Variants in ASTN2 observed in about 807,000 individuals in gnomAD.
ASTN2 encodes the protein astrotactin-2.
ASTN2 carries 54 observed loss-of-function variants against 139.8 expected under a neutral mutation model. The ratio of observed to expected loss-of-function variants is 0.39; its 90% confidence interval spans 0.31 to 0.48. ASTN2 has a LOEUF of 0.48. ASTN2 is among the 20% of genes least tolerant of loss of function. The pLI is 0.95. For synonymous variants in ASTN2, 756 were observed against 719.5 expected (o/e 1.05, Z -0.81); for missense variants, 1,565 against 1,725.1 (o/e 0.91, Z 1.64).
chr9:116,925,347 C>A (rs913482353), intron 10 of ASTN2, among the ~76,000 whole-genome samples: 3 of 152,064 alleles, frequency 2.0e-5, no homozygotes, highest in Non-Finnish European at 4.4e-5. Context: ...GAGGAGTCTC[C>A]CAGTTAGAGA....
At chr9:116,656,825 A>G (rs1283851035) in intron 16 of ASTN2, among the ~76,000 whole-genome samples, 1 of 152,140 alleles carries the variant, frequency 6.6e-6, no homozygotes, top group Non-Finnish European at 1.5e-5. Flanking sequence ...GGCTTCTGGG[A>G]GAGCCAAAGC....
intron 3 of ASTN2, among the ~76,000 whole-genome samples, chr9:117,173,113 A>G (rs1830832045): frequency 6.6e-6 from 1 of 152,178 alleles, no homozygotes; most frequent in Admixed American, 6.5e-5. Flanking sequence ...CATAAAGGCA[A>G]ACAGCATGTA....
chr9:116,564,918 T>C (rs1314682682), intron 19 of ASTN2, among the ~76,000 whole-genome samples: 1 of 152,158 alleles, frequency 6.6e-6, no homozygotes, highest in Non-Finnish European at 1.5e-5. Flanking sequence ...TGATGAGAGT[T>C]ATCTCATCTT....
intron 10 of ASTN2, among the ~76,000 whole-genome samples, chr9:116,908,444 C>T (rs1001056612): frequency 1.3e-5 from 2 of 152,158 alleles, no homozygotes; most frequent in Non-Finnish European, 2.9e-5. Flanking sequence ...ACAATTGACT[C>T]AATAAATGGA....
At chr9:116,781,185 G>A (rs565525234) in intron 13 of ASTN2, among the ~76,000 whole-genome samples, 2 of 152,224 alleles carry the variant, frequency 1.3e-5, no homozygotes, top group South Asian at 2.1e-4. Flanking sequence ...GTTCTATTTT[G>A]CAGAAAGGAG....
At chr9:117,305,001 C>A (rs1834964391) in intron 1 of ASTN2, among the ~76,000 whole-genome samples, 1 of 152,214 alleles carries the variant, frequency 6.6e-6, no homozygotes, top group Admixed American at 6.5e-5. Context: ...TGAATTATGA[C>A]AGATCAAGCC....
At chr9:116,731,332 G>A (rs773921969) in intron 14 of ASTN2, among the ~76,000 whole-genome samples, 1 of 151,948 alleles carries the variant, frequency 6.6e-6, no homozygotes, top group Non-Finnish European at 1.5e-5. Context: ...CCCATAGTGT[G>A]CCAAGCATTT....
chr9:116,701,285 A>AATG (rs1588222137), intron 16 of ASTN2: 1 of 167,126 alleles, frequency 6.0e-6, no homozygotes, highest in East Asian at 1.9e-4. Flanking sequence ...AGGTCATTAA[A>AATG]ATGATGTTGA....
intron 2 of ASTN2, 61 bp downstream of exon 2, chr9:117,291,265 C>T: frequency 6.3e-7 from 1 of 1,576,794 alleles, no homozygotes; most frequent in South Asian, 1.2e-5. Context: ...CCCCCTCCAT[C>T]TCTCCACCCA....
chr9:116,838,279 C>T (rs10983372), intron 11 of ASTN2, among the ~76,000 whole-genome samples: 127,691 of 151,540 alleles, frequency 0.84, 54,009 homozygotes, highest in East Asian at 0.95. Flanking sequence ...CTGGCTAATT[C>T]TGTATTTTTA....
intron 10 of ASTN2, among the ~76,000 whole-genome samples, chr9:116,920,545 G>T (rs7045383): frequency 0.019 from 2,925 of 152,256 alleles, 79 homozygotes; most frequent in African/African-American, 0.062. Flanking sequence ...TGCCTTAATA[G>T]TACAAAGAAA....
chr9:116,471,043 A>T (rs1463853332), intron 20 of ASTN2, among the ~76,000 whole-genome samples: 1 of 152,136 alleles, frequency 6.6e-6, no homozygotes, highest in Non-Finnish European at 1.5e-5. Context: ...TTTTAAAATG[A>T]TTTTTTAAAT....
intron 5 of ASTN2, among the ~76,000 whole-genome samples, chr9:117,061,154 T>TATTTATTA (rs1839279828): frequency 7.3e-6 from 1 of 137,588 alleles, no homozygotes; most frequent in Admixed American, 6.9e-5. Context: ...TTTATTTATT[T>TATTTATTA]ATTTATTTAT....
chr9:116,443,615 A>G (rs1220696632), intron 20 of ASTN2, among the ~76,000 whole-genome samples: 1 of 152,144 alleles, frequency 6.6e-6, no homozygotes, highest in Non-Finnish European at 1.5e-5. Context: ...TGACCCTTGT[A>G]TTCCCAGATC....
intron 3 of ASTN2, chr9:117,181,278 G>A (rs186508550): frequency 3.2e-4 from 147 of 459,162 alleles, no homozygotes; most frequent in Non-Finnish European, 5.5e-4. Flanking sequence ...CAGAGATGGG[G>A]AAACTGAAGC....
chr9:117,318,885 C>T (rs1828231125), intron 1 of ASTN2, among the ~76,000 whole-genome samples: 1 of 152,142 alleles, frequency 6.6e-6, no homozygotes. Context: ...TAAAGTACTC[C>T]TAAAGGACCA....
intron 6 of ASTN2, among the ~76,000 whole-genome samples, chr9:117,016,600 ATATCTATATCTATATCTATCTATC>A (rs1223176689): frequency 0.092 from 588 of 6,404 alleles, 34 homozygotes; most frequent in Middle Eastern, 0.17. Flanking sequence ...TTTTATATAT[ATATCTATATCTATATCTATCTATC>A]TATATATATA....
At chr9:117,410,231 G>A (rs1319458217) in intron 1 of ASTN2, among the ~76,000 whole-genome samples, 3 of 152,168 alleles carry the variant, frequency 2.0e-5, no homozygotes, top group Non-Finnish European at 4.4e-5. Flanking sequence ...CAGCAAGAAG[G>A]ATGACATTTC....
intron 16 of ASTN2, among the ~76,000 whole-genome samples, chr9:116,682,216 G>T (rs1351888361): frequency 6.6e-6 from 1 of 152,108 alleles, no homozygotes; most frequent in Non-Finnish European, 1.5e-5. Flanking sequence ...GTGGACGAAG[G>T]ACATGAGCAG....
Sources: gnomAD v4.1 joint callset for allele counts (sites outside exome capture counted in the v4.1 genomes callset) on GRCh38, gnomAD v4.1.1 for gene constraint, MANE v1.5 for transcripts, NCBI Gene and HGNC (gene_info 2026-07-23, HGNC 2026-07-21) for gene names.